OR11A1: variants seen among roughly 807,000 people sequenced by gnomAD.
OR11A1 encodes olfactory receptor 11A1.
For synonymous variants in OR11A1, 158 were observed against 152.2 expected, an observed-to-expected ratio of 1.04 and a Z score of -0.28; for missense variants, 380 against 378.2, an observed-to-expected ratio of 1.00 and a Z score of -0.04.
chr6:29,447,432 T>C (rs1216798472), intron 1 of OR11A1, among the ~76,000 whole-genome samples: 3 of 152,260 alleles, frequency 2.0e-5, no homozygotes, highest in African/African-American at 7.2e-5. Flanking sequence ...GGGGTTTGCA[T>C]TGACAGTTTT....
intron 1 of OR11A1, among the ~76,000 whole-genome samples, chr6:29,438,420 G>A (rs1344357334): frequency 6.8e-6 from 1 of 147,266 alleles, no homozygotes; most frequent in Non-Finnish European, 1.5e-5. Context: ...AAACCTGCAA[G>A]GGACCCTATA....
intron 3 of OR11A1, 36 bp from the exon 4 acceptor site, chr6:29,428,996 G>A: frequency 6.4e-6 from 5 of 776,444 alleles, no homozygotes; most frequent in Non-Finnish European, 7.8e-6. Context: ...GGAATGATTA[G>A]AAACAGTTGA....
At position 29,427,551 on chromosome 6, in the gene OR11A1, T is replaced by C. The variant is rs1782923077; in HGVS notation, c.91A>G (p.Ile31Val). The change falls in exon 5 of 5, where the codon ATT (isoleucine) becomes GTT (valine). Residue 31 changes from isoleucine (I) to valine (V), a missense_variant. Physicochemically the swap from Ile to Val is conservative, Grantham distance 29. Transcript: ENST00000377149. ...DIPELHFLFFIVFTAVYVFII... is the reference protein window; with the variant it reads ...DIPELHFLFFVVFTAVYVFII... The stretch of plus-strand genomic sequence containing the variant: ...AAGACATAGACAGCAGTGAATACAA[T>C]AAAAAACAAGAAATGCAGTTCAGGG... The C allele has an allele frequency of 6.2e-7, 1 of 1,612,862 alleles. No homozygotes were observed. Among genetic ancestry groups the C allele is most frequent in the Non-Finnish European group, 8.5e-7 (1 of 1,179,972 alleles).
In OR11A1 at chr6:29,426,088, A is replaced by G. The variant is rs996720483; in HGVS notation, c.*606T>C. The G allele has an allele frequency of 1.3e-5, 2 of 152,570 alleles. No homozygotes were observed. Among genetic ancestry groups the G allele is most frequent in the African/African-American group, 4.8e-5 (2 of 41,452 alleles). The allele number at this position is 152,570 out of a possible 1,614,324, so 9.5% of individuals were successfully genotyped here. On this transcript the variant is annotated 3_prime_UTR_variant, in exon 5 of 5. Coordinates refer to ENST00000377149, the MANE Select transcript of OR11A1 (RefSeq NM_001394828.1). ...TGTATGTATAAATATAAATACACAT[A>G]GAAAGAAATTTTTAAATGTCATACA...
chr6:29,447,848 C>T (rs896550053), intron 1 of OR11A1, among the ~76,000 whole-genome samples: 23 of 152,250 alleles, frequency 1.5e-4, no homozygotes, highest in Non-Finnish European at 2.9e-4. Context: ...ATTCCCCATT[C>T]CTCCTTGACA....
rs1229806376 is a variant in OR11A1 at position 29,427,270 on chromosome 6, G to T, written c.372C>A (p.Tyr124Ter). ...AGTGGAGTGGGTAGCAAATTGCCAG[G>T]TAGCGGTCATATGCCATGACAGCCA... is the stretch of plus-strand genomic sequence containing the variant. The part of the protein sequence containing the change: ...LLLAVMAYDR[Y>*]LAICYPLHYP... The change falls in exon 5 of 5, where the codon TAC becomes TAA. Residue 124 changes from tyrosine (Y) to a stop codon, truncating the protein, a stop_gained. Transcript: ENST00000377149. LOFTEE classifies it low-confidence loss of function (END_TRUNC). 1 of 1,612,934 alleles carries T rather than the reference G, an allele frequency of 6.2e-7. No homozygotes were observed. Among genetic ancestry groups the T allele is most frequent in the Non-Finnish European group, 8.5e-7 (1 of 1,180,032 alleles).
chr6:29,432,788 C>T (rs1582545245), intron 1 of OR11A1, among the ~76,000 whole-genome samples: 2 of 152,040 alleles, frequency 1.3e-5, no homozygotes, highest in South Asian at 4.2e-4. Context: ...GAAGGCACTT[C>T]TGTGTCATTT....
At chr6:29,452,004 A>G (rs962154884) in intron 1 of OR11A1, among the ~76,000 whole-genome samples, 1 of 152,220 alleles carries the variant, frequency 6.6e-6, no homozygotes, top group Non-Finnish European at 1.5e-5. Flanking sequence ...CACCCATGAA[A>G]AATGAAATCA....
At chr6:29,428,670 T>C (rs1414546624) in intron 4 of OR11A1, among the ~76,000 whole-genome samples, 1 of 139,542 alleles carries the variant, frequency 7.2e-6, no homozygotes, top group East Asian at 2.2e-4. Context: ...GGCAGAAGAA[T>C]GGCGTGAACT....
At chr6:29,436,341 T>C (rs1783624630) in intron 1 of OR11A1, among the ~76,000 whole-genome samples, 1 of 152,190 alleles carries the variant, frequency 6.6e-6, no homozygotes, top group Non-Finnish European at 1.5e-5. Flanking sequence ...GCCCCAAATG[T>C]AGCGCTGAAG....
At chr6:29,435,335 T>C (rs557879316) in intron 1 of OR11A1, among the ~76,000 whole-genome samples, 2 of 152,350 alleles carry the variant, frequency 1.3e-5, no homozygotes, top group South Asian at 4.1e-4. Context: ...GAAGTGACTA[T>C]GGGATGCTTC....
intron 1 of OR11A1, among the ~76,000 whole-genome samples, chr6:29,455,702 C>T (rs975544230): frequency 9.4e-5 from 14 of 148,268 alleles, no homozygotes; most frequent in Non-Finnish European, 1.9e-4. Flanking sequence ...ATGGTGAAAC[C>T]CCCTCTCTAC....
At position 29,426,173 on chromosome 6, in the gene OR11A1, ATATT is replaced by A. The variant is rs1481253321; in HGVS notation, c.*517_*520del. On this transcript the variant is annotated 3_prime_UTR_variant, in exon 5 of 5. Transcript: ENST00000377149. The stretch of plus-strand genomic sequence containing the variant: ...TTTGGTATTGCTGTATTATTTTTAA[ATATT>A]TATGACATATTTAATAAAGAACTAA... 3 of 152,902 alleles carry A rather than the reference ATATT, an allele frequency of 2.0e-5. No individual in the cohort carries two copies. The highest frequency in any genetic ancestry group is 2.1e-4 in the South Asian group (1 of 4,826). 9.5% of individuals were successfully genotyped at this position (152,902 alleles called of 1,614,324 possible).
At chr6:29,440,271 A>C in intron 1 of OR11A1, 1 of 1,613,730 alleles carries the variant, frequency 6.2e-7, no homozygotes, top group Non-Finnish European at 8.5e-7. Flanking sequence ...CCACCTCCTT[A>C]CTGGCCGGCG....
At chr6:29,444,585 C>T (rs1042104209) in intron 1 of OR11A1, among the ~76,000 whole-genome samples, 8 of 152,172 alleles carry the variant, frequency 5.3e-5, no homozygotes, top group African/African-American at 1.9e-4. Flanking sequence ...CTATATGCTT[C>T]TTATAGCTGA....
intron 1 of OR11A1, chr6:29,450,402 C>T (rs1417983402): frequency 3.3e-5 from 5 of 152,290 alleles, no homozygotes; most frequent in Middle Eastern, 3.4e-3. Flanking sequence ...AATTATGTCC[C>T]GGGTATAGAA....
At chr6:29,440,195 C>A (rs1783999766) in intron 1 of OR11A1, 2 of 1,613,884 alleles carry the variant, frequency 1.2e-6, no homozygotes, top group Non-Finnish European at 1.7e-6. Flanking sequence ...CTATGTACTT[C>A]TTCCTGCGCA....
intron 1 of OR11A1, among the ~76,000 whole-genome samples, chr6:29,444,246 G>C (rs1474265936): frequency 6.6e-6 from 1 of 152,182 alleles, no homozygotes; most frequent in East Asian, 1.9e-4. Flanking sequence ...TGTAAGATGT[G>C]ATTTGCTCCT....
intron 1 of OR11A1, among the ~76,000 whole-genome samples, chr6:29,435,453 A>T (rs1783556829): frequency 6.6e-6 from 1 of 152,106 alleles, no homozygotes; most frequent in Non-Finnish European, 1.5e-5. Context: ...AAGAAACCAC[A>T]CATTTCCATG....
Sources: allele counts gnomAD v4.1 joint callset (sites outside exome capture counted in the v4.1 genomes callset), GRCh38; gene constraint gnomAD v4.1.1; transcripts MANE v1.5; gene names NCBI Gene and HGNC (gene_info 2026-07-23, HGNC 2026-07-21).